Variants in TBX2 observed in about 807,000 individuals in gnomAD.
TBX2 encodes T-box transcription factor TBX2.
In TBX2, 19 loss-of-function variants were observed where a neutral mutation model predicts 48.4. The observed-to-expected ratio is 0.39, with a 90% confidence interval of 0.27 to 0.58. The LOEUF (loss-of-function observed/expected upper bound fraction) is 0.58, where lower values mean the gene tolerates loss of function less well. Among genes scored for constraint, TBX2 ranks in the 20% least tolerant of loss-of-function variants. The pLI is 0.54. For synonymous variants in TBX2, 522 were observed against 459.7 expected (o/e 1.14, Z -1.73); for missense variants, 994 against 1,006.5 (o/e 0.99, Z 0.17).
chr17:61,409,002 TC>T lies in TBX2; in HGVS notation c.*499del, dbSNP rs931969237. The stretch of plus-strand genomic sequence containing the variant: ...GGAACCTGTTAGTCTCCCCACCTCT[TC>T]CCTGAAGAGACAGGCACCCCTCCCA... On this transcript the variant is annotated 3_prime_UTR_variant, in exon 7 of 7. Transcript: ENST00000240328. 1.6e-4 allele frequency: 25 copies of T among 153,596 alleles called. No individual in the cohort carries two copies. Among genetic ancestry groups the T allele is most frequent in the African/African-American group, 6.0e-4 (25 of 41,414 alleles). 9.5% of individuals were successfully genotyped at this position (153,596 alleles called of 1,614,324 possible).
Position 61,402,968 on chromosome 17 carries a change from GAGA to G in TBX2, c.664-91_664-89del, listed in dbSNP as rs1377246774. 1,349 of 184,796 alleles carry G rather than the reference GAGA, an allele frequency of 7.3e-3. 178 individuals carry two copies. The highest frequency in any genetic ancestry group is 0.047 in the African/African-American group (791 of 16,952). 11.4% of individuals were successfully genotyped at this position (184,796 alleles called of 1,614,324 possible). A position where few individuals can be genotyped will look rare whatever the true frequency, so the allele number is the denominator to read the frequency against. ...AGAGAGAGAGAGAGAGAGAGAGAGA[GAGA>G]AAGTGGAGAGGAAGAGGTCAGGTAC... On this transcript the variant is annotated intron_variant, in intron 2 of 6. Transcript: ENST00000240328.
At chr17:61,402,544 A>G (rs2060268196) in intron 2 of TBX2, among the ~76,000 whole-genome samples, 2 of 151,806 alleles carry the variant, frequency 1.3e-5, no homozygotes, top group South Asian at 4.2e-4. Flanking sequence ...GTGGTGTTTC[A>G]TAGGGTAAAA....
chr17:61,402,335 G>T (rs2060266984), intron 2 of TBX2, among the ~76,000 whole-genome samples: 2 of 152,216 alleles, frequency 1.3e-5, no homozygotes, highest in African/African-American at 4.8e-5. Flanking sequence ...ACCTCAACTT[G>T]TCCATCACCC....
rs1371001583 is a variant in TBX2, at chr17:61,403,075, C to T, written c.678C>T (p.Ser226=). 1.9e-6 allele frequency: 3 copies of T among 1,612,960 alleles called. No homozygotes were observed. The highest frequency in any genetic ancestry group is 1.3e-5 in the African/African-American group (1 of 75,014). ...SDKHGFTILN[S]MHKYQPRFHI... The stretch of plus-strand genomic sequence containing the variant: ...CCTCCCCGCAGACCATCCTAAACTC[C>T]ATGCACAAGTACCAGCCGCGCTTCC... The change falls in exon 3 of 7, where the codon TCC becomes TCT. Residue 226 remains serine (S), a synonymous_variant. Transcript: ENST00000240328. This position sits in a 1 kb window ranked among gnomAD's most constrained non-coding sequence, Gnocchi z 5.8.
In TBX2 at chr17:61,408,572, G is replaced by T. The variant is rs536635857; in HGVS notation, c.*66G>T. 4.4e-6 allele frequency: 6 copies of T among 1,359,528 alleles called. No homozygotes were observed. The highest frequency in any genetic ancestry group is 5.8e-6 in the Non-Finnish European group (6 of 1,033,922). The allele number at this position is 1,359,528 out of a possible 1,614,324, so 84.2% of individuals were successfully genotyped here. A position where few individuals can be genotyped will look rare whatever the true frequency, so the allele number is the denominator to read the frequency against. On this transcript the variant is annotated 3_prime_UTR_variant, in exon 7 of 7. Coordinates refer to ENST00000240328, the MANE Select transcript of TBX2 (RefSeq NM_005994.4). ...GCTGCCTGCCCCTGCTGCTTGGGAC[G>T]TGTACAGCACAGAATGAGTATTTAT... is the stretch of plus-strand genomic sequence containing the variant.
rs756548711 is a variant in TBX2, at chr17:61,404,931, C to G, written c.1051+162C>G. The G allele has an allele frequency of 4.4e-5, 55 of 1,254,738 alleles. No homozygotes were observed. In the African/African-American group the frequency reaches 7.2e-4, roughly 16 times the overall value. 77.7% of individuals were successfully genotyped at this position (1,254,738 alleles called of 1,614,324 possible). On this transcript the variant is annotated intron_variant, in intron 5 of 6. Transcript: ENST00000240328. ...CCGTCCCGGGACTCCCCTACGAGGG[C>G]GGTCCCCGGTAGCCAGAAGATCCGG... is the stretch of plus-strand genomic sequence containing the variant.
intron 1 of TBX2, 77 bp from the exon 2 acceptor site, chr17:61,401,607 T>TA: frequency 6.6e-7 from 1 of 1,523,274 alleles, no homozygotes; most frequent in Middle Eastern, 1.8e-4. Flanking sequence ...CGAGGAGGGA[T>TA]AAATAAAGGA....
chr17:61,400,700 C>T lies in TBX2; in HGVS notation c.395+129C>T. 3.2e-6 allele frequency: 3 copies of T among 950,450 alleles called. No individual in the cohort carries two copies. The highest frequency in any genetic ancestry group is 3.5e-5 in the South Asian group (2 of 56,598). 58.9% of individuals were successfully genotyped at this position (950,450 alleles called of 1,614,324 possible). On this transcript the variant is annotated intron_variant, in intron 1 of 6. Coordinates refer to ENST00000240328, the MANE Select transcript of TBX2 (RefSeq NM_005994.4). This position sits in a 1 kb window ranked among gnomAD's most constrained non-coding sequence, Gnocchi z 9.2. ...CGGCTCCAGGTTCTGGCCCTGACGC[C>T]ACGCTTCGCTCCCACGGACAACCAA...
In TBX2 at chr17:61,403,117, C is replaced by T. The variant is rs970533000; in HGVS notation, c.720C>T (p.Asn240=). 1 of 1,613,802 alleles carries T rather than the reference C, an allele frequency of 6.2e-7. No individual in the cohort carries two copies. The highest frequency in any genetic ancestry group is 1.1e-5 in the South Asian group (1 of 91,084). The change falls in exon 3 of 7, where the codon AAC becomes AAT. Residue 240 remains asparagine (N), a synonymous_variant. Coordinates refer to ENST00000240328, the MANE Select transcript of TBX2 (RefSeq NM_005994.4). This position sits in a 1 kb window ranked among gnomAD's most constrained non-coding sequence, Gnocchi z 5.8. The part of the protein sequence containing the change: ...YQPRFHIVRA[N]DILKLPYSTF... ...CGCGCTTCCACATAGTGCGAGCCAA[C>T]GACATCCTGAAGCTGCCTTACAGCA...
chr17:61,402,530 G>A (rs1299154356), intron 2 of TBX2, among the ~76,000 whole-genome samples: 3 of 150,984 alleles, frequency 2.0e-5, no homozygotes, highest in Non-Finnish European at 4.4e-5. Context: ...CCCAGCGAAC[G>A]GGGGTGGTGT....
chr17:61,408,258 C>T lies in TBX2; in HGVS notation c.1891C>T (p.Pro631Ser). ...CCCCTATCAGATCCCGGTCACCATC[C>T]CGCCTAGCACTAGCCTCCTCACCAC... ...FSPYQIPVTI[P>S]PSTSLLTTGL... is the part of the protein sequence containing the mutation. Residue 631 changes from proline (P) to serine (S), a missense_variant, in exon 7 of 7, where the codon CCG becomes TCG. Around this residue, in one of 5 missense-constraint regions of TBX2, gnomAD observed 639 missense variants for 613.2 expected, o/e 1.04. Transcript: ENST00000240328. 2 of 1,612,870 alleles carry T rather than the reference C, an allele frequency of 1.2e-6. No homozygotes were observed. Among genetic ancestry groups the T allele is most frequent in the Non-Finnish European group, 1.7e-6 (2 of 1,179,930 alleles).
rs2060271747 is a variant in TBX2, at chr17:61,403,113, C to A, written c.716C>A (p.Ala239Asp). 1 of 1,613,684 alleles carries A rather than the reference C, an allele frequency of 6.2e-7. No homozygotes were observed. Among genetic ancestry groups the A allele is most frequent in the Non-Finnish European group, 8.5e-7 (1 of 1,180,030 alleles). ...KYQPRFHIVR[A>D]NDILKLPYST... ...CAGCCGCGCTTCCACATAGTGCGAG[C>A]CAACGACATCCTGAAGCTGCCTTAC... The change falls in exon 3 of 7, where the codon GCC (alanine) becomes GAC (aspartate). Residue 239 changes from alanine (A) to aspartate (D), a missense_variant. Ala to Asp is a moderately radical substitution (Grantham distance 126). Transcript: ENST00000240328. The surrounding 1 kb of genome is among the most constrained non-coding windows in gnomAD (Gnocchi z 5.8).
In TBX2 at chr17:61,403,125, T is replaced by G; in HGVS notation, c.728T>G (p.Leu243Arg). The part of the protein sequence containing the change: ...RFHIVRANDI[L>R]KLPYSTFRTY... ...CACATAGTGCGAGCCAACGACATCC[T>G]GAAGCTGCCTTACAGCACCTTCCGC... Residue 243 changes from leucine to arginine, a missense_variant, in exon 3 of 7, where the codon CTG becomes CGG. By Grantham distance (102) the Leu-to-Arg change is moderately radical. Transcript: ENST00000240328. This position sits in a 1 kb window ranked among gnomAD's most constrained non-coding sequence, Gnocchi z 5.8. 1 of 1,613,878 alleles carries G rather than the reference T, an allele frequency of 6.2e-7. No homozygotes were observed. The highest frequency in any genetic ancestry group is 1.1e-5 in the South Asian group (1 of 91,080).
chr17:61,405,224 G>T lies in TBX2; in HGVS notation c.1074G>T (p.Ala358=), dbSNP rs1487409336. The change falls in exon 6 of 7, where the codon GCG becomes GCT. Residue 358 remains alanine, a synonymous_variant. Coordinates refer to ENST00000240328, the MANE Select transcript of TBX2 (RefSeq NM_005994.4). Reference sequence around the variant, plus strand: ...CAGCTGAGGAGAAGTCGTGCGCCGCGGACAGCGACCCGGAGCCTGAGCGGT... The same window carrying T: ...CAGCTGAGGAGAAGTCGTGCGCCGCTGACAGCGACCCGGAGCCTGAGCGGT... The part of the protein sequence containing the change: ...RARAEEKSCA[A]DSDPEPERLS... 5 of 1,556,628 alleles carry T rather than the reference G, an allele frequency of 3.2e-6. No individual in the cohort carries two copies. Among genetic ancestry groups the T allele is most frequent in the East Asian group, 2.3e-5 (1 of 43,236 alleles).
chr17:61,404,879 C>A (rs2060281115), intron 5 of TBX2, 110 bp downstream of exon 5: 3 of 1,458,306 alleles, frequency 2.1e-6, no homozygotes, highest in African/African-American at 2.8e-5. Flanking sequence ...AGGAAGGAAA[C>A]GTCGGCGAGT....
Position 61,408,381 on chromosome 17 carries a change from C to G in TBX2, c.2014C>G (p.Arg672Gly). The stretch of plus-strand genomic sequence containing the variant: ...TCTCCGCAAAGTAGGGGCCCCATCC[C>G]GCGGTGCCCTGTCGCCCAGTGGCTC... Reference protein sequence around the residue: ...LALRKVGAPSRGALSPSGSAK... With the variant: ...LALRKVGAPSGGALSPSGSAK... The change falls in exon 7 of 7, where the codon CGC becomes GGC. Residue 672 changes from arginine (R) to glycine (G), a missense_variant. Physicochemically the swap from Arg to Gly is moderately radical, Grantham distance 125. This residue lies in a region of TBX2 where 639 missense variants were observed against 613.2 expected (regional missense o/e 1.04). Coordinates refer to ENST00000240328, the MANE Select transcript of TBX2 (RefSeq NM_005994.4). The G allele has an allele frequency of 6.4e-7, 1 of 1,567,190 alleles. No homozygotes were observed. Among genetic ancestry groups the G allele is most frequent in the Non-Finnish European group, 8.6e-7 (1 of 1,157,162 alleles).
Position 61,406,844 on chromosome 17 carries a change from G to A in TBX2, c.1686+1008G>A, listed in dbSNP as rs1219027694. On this transcript the variant is annotated intron_variant, in intron 6 of 6. Transcript: ENST00000240328. This position sits in a 1 kb window ranked among gnomAD's most constrained non-coding sequence, Gnocchi z 5.7. The stretch of plus-strand genomic sequence containing the variant: ...TGAGGTATCACCATCACTCATCTGG[G>A]GCTCTGGGCTGGAAGGGAAGCCTCT... 1 of 152,126 alleles carries A rather than the reference G, an allele frequency of 6.6e-6. No homozygotes were observed. The highest frequency in any genetic ancestry group is 1.5e-5 in the Non-Finnish European group (1 of 68,030). The allele number at this position is 152,126 out of a possible 1,614,324, so 9.4% of individuals were successfully genotyped here.
chr17:61,405,387 G>T lies in TBX2; in HGVS notation c.1237G>T (p.Gly413Trp), dbSNP rs1475466397. ...GGGCAAGGAGCCGGCCGAGAGCGGC[G>T]GGGACGGCCCGTTCGGCCTGAGGAG... Reference protein sequence around the residue: ...ERGKEPAESGGDGPFGLRSLE... With the variant: ...ERGKEPAESGWDGPFGLRSLE... Residue 413 changes from glycine (G) to tryptophan (W), a missense_variant, in exon 6 of 7, where the codon GGG becomes TGG. Gly to Trp is a radical substitution (Grantham distance 184). Coordinates refer to ENST00000240328, the MANE Select transcript of TBX2 (RefSeq NM_005994.4). 13 of 1,531,072 alleles carry T rather than the reference G, an allele frequency of 8.5e-6. No individual in the cohort carries two copies. Among genetic ancestry groups the T allele is most frequent in the Non-Finnish European group, 1.0e-5 (12 of 1,142,964 alleles). The allele number at this position is 1,531,072 out of a possible 1,614,324, so 94.8% of individuals were successfully genotyped here.
In TBX2 at chr17:61,400,237, C is replaced by A. The variant is rs1410117068; in HGVS notation, c.61C>A (p.Pro21Thr). ...MAYHPFHAPR[P>T]ADFPMSAFLA... ...TTACCACCCGTTCCACGCGCCACGG[C>A]CCGCCGACTTCCCCATGTCCGCCTT... is the stretch of plus-strand genomic sequence containing the variant. The change falls in exon 1 of 7, where the codon CCC becomes ACC. Residue 21 changes from proline (P) to threonine (T), a missense_variant. Physicochemically the swap from Pro to Thr is conservative, Grantham distance 38. Transcript: ENST00000240328. This position sits in a 1 kb window ranked among gnomAD's most constrained non-coding sequence, Gnocchi z 9.2. 8.2e-7 allele frequency: 1 copy of A among 1,221,712 alleles called. No individual in the cohort carries two copies. The highest frequency in any genetic ancestry group is 1.0e-6 in the Non-Finnish European group (1 of 955,560). 75.7% of individuals were successfully genotyped at this position (1,221,712 alleles called of 1,614,324 possible).
Sources: allele counts gnomAD v4.1 joint callset (sites outside exome capture counted in the v4.1 genomes callset), GRCh38; gene constraint gnomAD v4.1.1; regional missense constraint gnomAD v4.1.1; non-coding constraint Gnocchi (gnomAD v3.1); transcripts MANE v1.5; gene names NCBI Gene and HGNC (gene_info 2026-07-23, HGNC 2026-07-21).